Variants in CHST9 observed in about 807,000 individuals in gnomAD.
The protein encoded by CHST9 is carbohydrate sulfotransferase 9, also known as GalNAc-4-sulfotransferase 2.
In CHST9, 41 loss-of-function variants were observed where a neutral mutation model predicts 44.4. The ratio of observed to expected loss-of-function variants is 0.92; its 90% confidence interval spans 0.72 to 1.20. CHST9 has a LOEUF of 1.20. CHST9 is among the 50% of genes most tolerant of loss of function. The probability of loss-of-function intolerance (pLI) is 0.00; values close to 1 mark genes in which losing one functional copy is unlikely to be tolerated. For missense variants in CHST9, 504 were observed against 516.5 expected, an observed-to-expected ratio of 0.98 and a Z score of 0.23; for synonymous variants, 171 against 178.4, an observed-to-expected ratio of 0.96 and a Z score of 0.33.
chr18:26,922,526 T>A (rs1002376276), intron 5 of CHST9, among the ~76,000 whole-genome samples: 10 of 152,156 alleles, frequency 6.6e-5, no homozygotes, highest in African/African-American at 2.4e-4. Context: ...CTGAAAGACA[T>A]GTAACTACAG....
At chr18:27,090,849 T>C (rs1051004172) in intron 2 of CHST9, among the ~76,000 whole-genome samples, 3 of 152,134 alleles carry the variant, frequency 2.0e-5, no homozygotes, top group East Asian at 1.9e-4. Context: ...GTTACTGTAG[T>C]CTTGTATTAT....
intron 2 of CHST9, among the ~76,000 whole-genome samples, chr18:27,127,921 T>C (rs1214643040): frequency 6.6e-6 from 1 of 152,166 alleles, no homozygotes; most frequent in Non-Finnish European, 1.5e-5. Context: ...ATCTCTTTTC[T>C]GTGACGACAG....
In CHST9 at chr18:27,131,878, C is replaced by T. The variant is rs116712995; in HGVS notation, c.121+10811G>A. On this transcript the variant is annotated intron_variant, in intron 2 of 5. Coordinates refer to ENST00000618847, the MANE Select transcript of CHST9 (RefSeq NM_031422.6). Reference sequence around the variant, plus strand: ...TTTACACAGAGTCTTACTGCTTCAACCAATTGTAAGTTAAAGAATCTTTGA... The same window carrying T: ...TTTACACAGAGTCTTACTGCTTCAATCAATTGTAAGTTAAAGAATCTTTGA... 4.4e-3 allele frequency among the ~76,000 whole-genome samples: 669 copies of T among 152,318 alleles called. 6 individuals carry two copies. The highest frequency in any genetic ancestry group is 0.015 in the African/African-American group (603 of 41,554).
In CHST9 at chr18:27,123,740, G is replaced by A. The variant is rs545529340; in HGVS notation, c.121+18949C>T. On this transcript the variant is annotated intron_variant, in intron 2 of 5. Coordinates refer to ENST00000618847, the MANE Select transcript of CHST9 (RefSeq NM_031422.6). The stretch of plus-strand genomic sequence containing the variant: ...TCTTATGTGCTGACATCAAGAACAT[G>A]GTCTGCTAGGATCTGAGGAGGCCAG... Among the ~76,000 whole-genome samples the A allele has an allele frequency of 6.6e-5, 10 of 152,316 alleles. No homozygotes were observed. In the South Asian group the frequency reaches 1.7e-3, roughly 25 times the overall value.
chr18:26,961,258 A>C (rs758235293), intron 4 of CHST9, among the ~76,000 whole-genome samples: 2 of 152,230 alleles, frequency 1.3e-5, no homozygotes, highest in Non-Finnish European at 2.9e-5. Flanking sequence ...AAGGCTAGAG[A>C]ACAATACCTC....
intron 5 of CHST9, chr18:26,924,548 T>C (rs2339249): frequency 1.2e-6 from 1 of 844,270 alleles, no homozygotes; most frequent in Non-Finnish European, 1.4e-6. Context: ...CTCTTAATAA[T>C]GTATCTTTTG....
intron 4 of CHST9, among the ~76,000 whole-genome samples, chr18:27,014,789 T>A (rs1265464171): frequency 1.3e-5 from 2 of 152,212 alleles, no homozygotes; most frequent in Non-Finnish European, 2.9e-5. Flanking sequence ...GATTTCTCAA[T>A]TGTAGTAAAC....
At chr18:27,039,538 G>C (rs1222605816) in intron 3 of CHST9, among the ~76,000 whole-genome samples, 5 of 152,130 alleles carry the variant, frequency 3.3e-5, no homozygotes, top group Admixed American at 2.0e-4. Context: ...AAGGAATACA[G>C]AGTTTCAGTT....
chr18:27,073,338 A>G (rs1405247862), intron 2 of CHST9, among the ~76,000 whole-genome samples: 1 of 145,064 alleles, frequency 6.9e-6, no homozygotes, highest in Non-Finnish European at 1.5e-5. Context: ...AACCCAGGAT[A>G]AGAATGATGC....
chr18:27,027,174 G>A (rs2057293225), intron 3 of CHST9, among the ~76,000 whole-genome samples: 1 of 152,188 alleles, frequency 6.6e-6, no homozygotes, highest in Admixed American at 6.5e-5. Context: ...TTCTGGCCAT[G>A]TGATAAATTA....
chr18:26,990,040 CA>C (rs2056798188), intron 4 of CHST9, among the ~76,000 whole-genome samples: 1 of 152,026 alleles, frequency 6.6e-6, no homozygotes, highest in Non-Finnish European at 1.5e-5. Context: ...GTATATCCAA[CA>C]CAATGGAAAA....
intron 2 of CHST9, among the ~76,000 whole-genome samples, chr18:27,079,196 G>A (rs2057937284): frequency 6.6e-6 from 1 of 152,102 alleles, no homozygotes; most frequent in African/African-American, 2.4e-5. Flanking sequence ...TTTCTTCTTT[G>A]AAAATACTGG....
intron 2 of CHST9, among the ~76,000 whole-genome samples, chr18:27,135,885 G>A (rs1206052715): frequency 1.3e-5 from 2 of 152,206 alleles, no homozygotes; most frequent in Non-Finnish European, 2.9e-5. Context: ...TGTGGGTGCT[G>A]AGGGTCTGCA....
chr18:27,022,583 T>C (rs1309433922), intron 4 of CHST9, among the ~76,000 whole-genome samples: 1 of 152,216 alleles, frequency 6.6e-6, no homozygotes, highest in African/African-American at 2.4e-5. Flanking sequence ...CTCAGCTCTA[T>C]ACAACTAACT....
chr18:26,987,674 T>G (rs960178850), intron 4 of CHST9, among the ~76,000 whole-genome samples: 1 of 152,094 alleles, frequency 6.6e-6, no homozygotes, highest in Non-Finnish European at 1.5e-5. Flanking sequence ...TCCTGCAAAC[T>G]CATATGTTGA....
chr18:26,937,695 A>G (rs1258375403), intron 5 of CHST9, among the ~76,000 whole-genome samples: 1 of 152,192 alleles, frequency 6.6e-6, no homozygotes, highest in Non-Finnish European at 1.5e-5. Flanking sequence ...CCTCACTAAG[A>G]TGAATCTTTT....
intron 2 of CHST9, among the ~76,000 whole-genome samples, chr18:27,074,495 G>A (rs2143657588): frequency 6.6e-6 from 1 of 152,158 alleles, no homozygotes; most frequent in East Asian, 1.9e-4. Context: ...AAATAAAATG[G>A]AATCTACTAA....
chr18:27,004,579 T>C (rs1043591230), intron 4 of CHST9, among the ~76,000 whole-genome samples: 3 of 152,180 alleles, frequency 2.0e-5, no homozygotes, highest in African/African-American at 7.2e-5. Context: ...CTACTAATTG[T>C]TTTATTTCAG....
At chr18:26,970,905 T>C (rs1424496539) in intron 4 of CHST9, among the ~76,000 whole-genome samples, 1 of 152,216 alleles carries the variant, frequency 6.6e-6, no homozygotes, top group Non-Finnish European at 1.5e-5. Flanking sequence ...GATCTATTCC[T>C]GCTTGTGTGT....
Sources: allele counts gnomAD v4.1 joint callset (sites outside exome capture counted in the v4.1 genomes callset), GRCh38; gene constraint gnomAD v4.1.1; transcripts MANE v1.5; gene names NCBI Gene and HGNC (gene_info 2026-07-23, HGNC 2026-07-21).